INA: variants seen among roughly 807,000 people sequenced by gnomAD.
The protein encoded by INA is internexin neuronal intermediate filament protein alpha.
In INA, 35 loss-of-function variants were observed where a neutral mutation model predicts 40.1. The ratio of observed to expected loss-of-function variants is 0.87; its 90% confidence interval spans 0.67 to 1.16. INA has a LOEUF of 1.16. INA is among the 50% of genes most tolerant of loss of function. The pLI is 0.00. For missense variants in INA, 594 were observed against 686.7 expected (o/e 0.87, Z 1.51); for synonymous variants, 290 against 316.9 (o/e 0.92, Z 0.90).
At chr10:103,279,872 T>G in intron 1 of INA, 1 of 1,118,444 alleles carries the variant, frequency 8.9e-7, no homozygotes, top group Non-Finnish European at 1.2e-6. Context: ...CTTTTCATTA[T>G]GTACCCTAAC....
Position 103,277,267 on chromosome 10 carries a change from T to A in INA, c.56T>A (p.Phe19Tyr). Residue 19 changes from phenylalanine to tyrosine, a missense_variant, in exon 1 of 3, where the codon TTC becomes TAC. Physicochemically the swap from Phe to Tyr is conservative, Grantham distance 22 (BLOSUM62 3). This residue lies in a region of INA where 215 missense variants were observed against 190.6 expected (regional missense o/e 1.13). Coordinates refer to ENST00000369849, the MANE Select transcript of INA (RefSeq NM_032727.4). The surrounding 1 kb of genome is among the most constrained non-coding windows in gnomAD (Gnocchi z 5.6). ...LCSSSSYRKVFGDGSRLSARL... is the reference protein window; with the variant it reads ...LCSSSSYRKVYGDGSRLSARL... Reference sequence around the variant, plus strand: ...TCCTCCTCCTCCTACCGCAAGGTGTTCGGGGATGGCTCTCGCCTGTCCGCC... The same window carrying A: ...TCCTCCTCCTCCTACCGCAAGGTGTACGGGGATGGCTCTCGCCTGTCCGCC... 1 of 1,593,438 alleles carries A rather than the reference T, an allele frequency of 6.3e-7. No homozygotes were observed. The highest frequency in any genetic ancestry group is 1.1e-5 in the South Asian group (1 of 89,860).
chr10:103,283,488 C>T (rs956848071), intron 1 of INA, among the ~76,000 whole-genome samples: 2 of 152,156 alleles, frequency 1.3e-5, no homozygotes, highest in African/African-American at 4.8e-5. Context: ...ACGTATTTTT[C>T]CTACTGACTG....
intron 1 of INA, among the ~76,000 whole-genome samples, chr10:103,286,713 C>T (rs1311979380): frequency 6.6e-6 from 1 of 151,904 alleles, no homozygotes; most frequent in Non-Finnish European, 1.5e-5. Flanking sequence ...AAAAAATCAT[C>T]TCCATGTTCA....
chr10:103,279,841 C>A, intron 1 of INA: 1 of 781,248 alleles, frequency 1.3e-6, no homozygotes, highest in Non-Finnish European at 1.8e-6. Context: ...TCCATTTCTG[C>A]CTCAAAATCC....
intron 2 of INA, among the ~76,000 whole-genome samples, chr10:103,287,510 G>A (rs1424667975): frequency 6.6e-6 from 1 of 152,046 alleles, no homozygotes; most frequent in Admixed American, 6.6e-5. Flanking sequence ...CAAGGTGGGT[G>A]GATCACTTGA....
At chr10:103,282,209 G>T (rs953489925) in intron 1 of INA, among the ~76,000 whole-genome samples, 8 of 152,154 alleles carry the variant, frequency 5.3e-5, no homozygotes, top group African/African-American at 1.7e-4. Context: ...GAAGTTCAAG[G>T]AAATCTCATC....
rs2093065959 is a variant in INA, at chr10:103,278,429, G to A, written c.1065+153G>A. Among the ~76,000 whole-genome samples, 1 of 152,214 alleles carries A rather than the reference G, an allele frequency of 6.6e-6. No homozygotes were observed. The highest frequency in any genetic ancestry group is 2.4e-5 in the African/African-American group (1 of 41,458). ...GAGGCGCTGGTTAACAAAAAACCCT[G>A]GAGTCTTTAATGTTAATTTTAGGGA... On this transcript the variant is annotated intron_variant, in intron 1 of 2. Transcript: ENST00000369849. This position sits in a 1 kb window ranked among gnomAD's most constrained non-coding sequence, Gnocchi z 4.9.
intron 1 of INA, among the ~76,000 whole-genome samples, chr10:103,286,119 G>C (rs2093085299): frequency 1.3e-5 from 2 of 151,982 alleles, no homozygotes; most frequent in Admixed American, 6.6e-5. Context: ...CTTGAGGCCA[G>C]GAGTTCAAGA....
chr10:103,289,592 A>T lies in INA; in HGVS notation c.*923A>T, dbSNP rs2093095126. 2 of 152,670 alleles carry T rather than the reference A, an allele frequency of 1.3e-5. No individual in the cohort carries two copies. Among genetic ancestry groups the T allele is most frequent in the South Asian group, 4.1e-4 (2 of 4,832 alleles). The allele number at this position is 152,670 out of a possible 1,614,324, so 9.5% of individuals were successfully genotyped here. ...CCTTAGATTTAGTAGTGTAAGCTAGAAGAAGTGAGTGTTTCTATGAGTGGA... is the reference window on the plus strand; with the variant it reads ...CCTTAGATTTAGTAGTGTAAGCTAGTAGAAGTGAGTGTTTCTATGAGTGGA... On this transcript the variant is annotated 3_prime_UTR_variant, in exon 3 of 3. Coordinates refer to ENST00000369849, the MANE Select transcript of INA (RefSeq NM_032727.4).
chr10:103,285,593 G>A (rs971311457), intron 1 of INA, among the ~76,000 whole-genome samples: 1 of 151,196 alleles, frequency 6.6e-6, no homozygotes, highest in Admixed American at 6.6e-5. Context: ...ATCATGCCTG[G>A]CAGGAGAGGA....
chr10:103,288,884 T>C lies in INA; in HGVS notation c.*215T>C, dbSNP rs1168947304. 8 of 391,602 alleles carry C rather than the reference T, an allele frequency of 2.0e-5. No homozygotes were observed. The highest frequency in any genetic ancestry group is 3.6e-5 in the Non-Finnish European group (8 of 219,282). The allele number at this position is 391,602 out of a possible 1,614,324, so 24.3% of individuals were successfully genotyped here. A position where few individuals can be genotyped will look rare whatever the true frequency, so the allele number is the denominator to read the frequency against. ...TCCTGGAGCAATCACAGATGAGTTA[T>C]CTAAGAATACAGCTTTCTGACCTTC... On this transcript the variant is annotated 3_prime_UTR_variant, in exon 3 of 3. Coordinates refer to ENST00000369849, the MANE Select transcript of INA (RefSeq NM_032727.4).
chr10:103,277,513 T>C lies in INA; in HGVS notation c.302T>C (p.Leu101Pro). ...AACGAGAAGGAGCAGCTGCAGGGCC[T>C]CAACGACCGCTTCGCCGTGTTCATC... ...RTNEKEQLQGLNDRFAVFIEK... is the reference protein window; with the variant it reads ...RTNEKEQLQGPNDRFAVFIEK... The change falls in exon 1 of 3, where the codon CTC becomes CCC. Residue 101 changes from leucine (L) to proline (P), a missense_variant. Physicochemically the swap from Leu to Pro is moderately conservative, Grantham distance 98 (BLOSUM62 -3). This residue lies in a region of INA where 215 missense variants were observed against 190.6 expected (regional missense o/e 1.13). Transcript: ENST00000369849. This position sits in a 1 kb window ranked among gnomAD's most constrained non-coding sequence, Gnocchi z 5.6. 6.3e-7 allele frequency: 1 copy of C among 1,587,780 alleles called. No individual in the cohort carries two copies. Among genetic ancestry groups the C allele is most frequent in the African/African-American group, 1.4e-5 (1 of 72,214 alleles).
chr10:103,279,055 ATG>A (rs2093067419), intron 1 of INA, among the ~76,000 whole-genome samples: 1 of 152,032 alleles, frequency 6.6e-6, no homozygotes, highest in Non-Finnish European at 1.5e-5. Context: ...CTCAGAAATT[ATG>A]TCTCTCCTGT....
chr10:103,277,502 G>C lies in INA; in HGVS notation c.291G>C (p.Gln97His), dbSNP rs754439685. Residue 97 changes from glutamine (Q) to histidine (H), a missense_variant, in exon 1 of 3, where the codon CAG (glutamine) becomes CAC (histidine). By Grantham distance (24) the Gln-to-His change is conservative. Transcript: ENST00000369849. This position sits in a 1 kb window ranked among gnomAD's most constrained non-coding sequence, Gnocchi z 5.6. ...TCATCCGCACCAACGAGAAGGAGCA[G>C]CTGCAGGGCCTCAACGACCGCTTCG... is the stretch of plus-strand genomic sequence containing the variant. The part of the protein sequence containing the change: ...YKIIRTNEKE[Q>H]LQGLNDRFAV... The C allele has an allele frequency of 1.3e-6, 2 of 1,589,742 alleles. No homozygotes were observed. The highest frequency in any genetic ancestry group is 1.7e-6 in the Non-Finnish European group (2 of 1,171,340).
intron 1 of INA, chr10:103,280,014 C>T: frequency 1.6e-6 from 2 of 1,285,880 alleles, no homozygotes; most frequent in Non-Finnish European, 2.0e-6. Context: ...GGATAACTTA[C>T]TCAGAGCTGC....
chr10:103,281,848 G>C (rs985239764), intron 1 of INA, among the ~76,000 whole-genome samples: 3 of 152,200 alleles, frequency 2.0e-5, no homozygotes, highest in Non-Finnish European at 4.4e-5. Context: ...ATGCTCAGAC[G>C]AGCTAAGACG....
At chr10:103,280,869 G>A (rs1329290364) in intron 1 of INA, 6 of 985,244 alleles carry the variant, frequency 6.1e-6, no homozygotes, top group Admixed American at 6.1e-5. Flanking sequence ...TAGCCACTTC[G>A]GCACCATTAG....
chr10:103,277,457 GCGCACCAACGAGTACAAGATCATC>G lies in INA; in HGVS notation c.259_282del (p.Tyr87_Glu94del). ...GGCTGGACCTGAGCCAGGCGGCGGC[GCGCACCAACGAGTACAAGATCATC>G]CGCACCAACGAGAAGGAGCAGCTGC... On this transcript the variant is annotated inframe_deletion, in exon 1 of 3. Coordinates refer to ENST00000369849, the MANE Select transcript of INA (RefSeq NM_032727.4). This position sits in a 1 kb window ranked among gnomAD's most constrained non-coding sequence, Gnocchi z 5.6. 1.9e-6 allele frequency: 3 copies of G among 1,574,238 alleles called. No individual in the cohort carries two copies. The highest frequency in any genetic ancestry group is 2.5e-5 in the East Asian group (1 of 40,714).
At chr10:103,279,950 A>G (rs2093069194) in intron 1 of INA, 2 of 1,289,496 alleles carry the variant, frequency 1.6e-6, no homozygotes, top group Non-Finnish European at 2.0e-6. Context: ...AGAAGCCTCC[A>G]AGTACGAGCT....
Sources: gnomAD v4.1 joint callset for allele counts (sites outside exome capture counted in the v4.1 genomes callset) on GRCh38, gnomAD v4.1.1 for gene constraint, gnomAD v4.1.1 regional missense constraint, Gnocchi (gnomAD v3.1) non-coding constraint, MANE v1.5 for transcripts, NCBI Gene and HGNC (gene_info 2026-07-23, HGNC 2026-07-21) for gene names.